INSYN2B: variants seen among roughly 807,000 people sequenced by gnomAD.
The protein encoded by INSYN2B is inhibitory synaptic factor family member 2B, also known as protein INSYN2B.
Under a neutral mutation model 41.2 loss-of-function variants are expected in INSYN2B, and 16 were observed. That is an observed-to-expected ratio of 0.39 (90% confidence interval 0.26 to 0.59). The LOEUF is 0.59. INSYN2B is among the 20% of genes least tolerant of loss of function. The pLI is 0.57. For missense variants in INSYN2B, 608 were observed against 646.4 expected, an observed-to-expected ratio of 0.94 and a Z score of 0.64; for synonymous variants, 245 against 244.4, an observed-to-expected ratio of 1.00 and a Z score of -0.02.
chr5:169,889,197 A>T (rs1773146683), intron 1 of INSYN2B, among the ~76,000 whole-genome samples: 1 of 152,242 alleles, frequency 6.6e-6, no homozygotes, highest in East Asian at 1.9e-4. Context: ...AGTTGCATGG[A>T]ATAAATATTT....
At chr5:169,948,793 ACACC>A (rs1776546335) in intron 1 of INSYN2B, among the ~76,000 whole-genome samples, 1 of 150,944 alleles carries the variant, frequency 6.6e-6, no homozygotes, top group African/African-American at 2.4e-5. Context: ...CTACTTTCTG[ACACC>A]CACTCAGGGC....
At chr5:169,957,615 G>A (rs1337703287) in intron 1 of INSYN2B, among the ~76,000 whole-genome samples, 1 of 152,170 alleles carries the variant, frequency 6.6e-6, no homozygotes, top group Non-Finnish European at 1.5e-5. Flanking sequence ...ATCACAGAAA[G>A]ACTCATTCCT....
intron 1 of INSYN2B, among the ~76,000 whole-genome samples, chr5:169,913,179 T>C (rs1228992022): frequency 6.6e-6 from 1 of 152,236 alleles, no homozygotes; most frequent in Non-Finnish European, 1.5e-5. Flanking sequence ...TCATTAGTGT[T>C]CTAGCGGAGT....
chr5:169,925,439 G>A (rs1466310538), intron 1 of INSYN2B, among the ~76,000 whole-genome samples: 1 of 152,054 alleles, frequency 6.6e-6, no homozygotes, highest in African/African-American at 2.4e-5. Context: ...AATTAACTGA[G>A]CGTGGTGTTG....
At chr5:169,891,789 C>A (rs1454358840) in intron 1 of INSYN2B, among the ~76,000 whole-genome samples, 2 of 152,004 alleles carry the variant, frequency 1.3e-5, no homozygotes, top group Non-Finnish European at 2.9e-5. Flanking sequence ...TCAAGACCAG[C>A]TTGGACCAGC....
intron 1 of INSYN2B, among the ~76,000 whole-genome samples, chr5:169,902,960 T>C (rs1406602556): frequency 6.6e-6 from 1 of 151,934 alleles, no homozygotes; most frequent in Non-Finnish European, 1.5e-5. Context: ...TAGCTGGGTG[T>C]GGTGGCACAT....
At chr5:169,872,895 G>T (rs945681406) in intron 3 of INSYN2B, among the ~76,000 whole-genome samples, 1 of 152,202 alleles carries the variant, frequency 6.6e-6, no homozygotes, top group Non-Finnish European at 1.5e-5. Context: ...TTTTAGGATG[G>T]TTAGGAGTCT....
rs763264176 is a variant in INSYN2B at position 169,882,516 on chromosome 5, C to A, written c.1346+37G>T. ...GCCCCTGTGTTGGCAAATGACTTCA[C>A]CCAGTCATTTTTAATATGAAAAAAA... On this transcript the variant is annotated intron_variant, in intron 2 of 3. Coordinates refer to ENST00000377365, the MANE Select transcript of INSYN2B (RefSeq NM_001129891.3). The A allele has an allele frequency of 4.7e-6, 7 of 1,493,636 alleles. No homozygotes were observed. The South Asian group carries it at 7.8e-5, about 17-fold the overall frequency. The allele number at this position is 1,493,636 out of a possible 1,614,324, so 92.5% of individuals were successfully genotyped here. A position where few individuals can be genotyped will look rare whatever the true frequency, so the allele number is the denominator to read the frequency against.
In INSYN2B at chr5:169,959,499, A is replaced by G. The variant is rs184511257; in HGVS notation, c.-919+20778T>C. 4.6e-5 allele frequency among the ~76,000 whole-genome samples: 7 copies of G among 152,358 alleles called. No individual in the cohort carries two copies. The East Asian group carries it at 1.3e-3, about 29-fold the overall frequency. ...AGAAGTTTATGGTTCAACATAAGGA[A>G]GAACTTTCTAACAATTCTAATAGTC... On this transcript the variant is annotated intron_variant, in intron 1 of 3. Coordinates refer to ENST00000377365, the MANE Select transcript of INSYN2B (RefSeq NM_001129891.3).
intron 1 of INSYN2B, among the ~76,000 whole-genome samples, chr5:169,937,546 C>T (rs997526048): frequency 6.6e-6 from 1 of 152,196 alleles, no homozygotes; most frequent in African/African-American, 2.4e-5. Context: ...ATAATAGGAA[C>T]ATATATTGAG....
At chr5:169,919,737 G>A (rs1019779754) in intron 1 of INSYN2B, among the ~76,000 whole-genome samples, 11 of 152,086 alleles carry the variant, frequency 7.2e-5, no homozygotes, top group African/African-American at 2.7e-4. Context: ...CTGAGTCCCC[G>A]CGAAACCTGC....
intron 1 of INSYN2B, among the ~76,000 whole-genome samples, chr5:169,967,158 G>A (rs1777331448): frequency 6.6e-6 from 1 of 152,192 alleles, no homozygotes; most frequent in Non-Finnish European, 1.5e-5. Flanking sequence ...AGATAAAGTG[G>A]GTTCCTGAAA....
intron 1 of INSYN2B, among the ~76,000 whole-genome samples, chr5:169,923,107 T>C (rs73325995): frequency 9.5e-4 from 144 of 152,318 alleles, no homozygotes; most frequent in African/African-American, 3.2e-3. Context: ...GGATTGTGCC[T>C]AGGCTCTCAG....
At chr5:169,946,719 T>C (rs1400935376) in intron 1 of INSYN2B, among the ~76,000 whole-genome samples, 1 of 152,098 alleles carries the variant, frequency 6.6e-6, no homozygotes, top group East Asian at 1.9e-4. Flanking sequence ...ACAAACCTAA[T>C]AGAAAAATAA....
chr5:169,869,788 C>A (rs999190188), intron 3 of INSYN2B, among the ~76,000 whole-genome samples: 2 of 152,200 alleles, frequency 1.3e-5, no homozygotes, highest in Admixed American at 6.5e-5. Flanking sequence ...GCCCAAGGAT[C>A]CAAATAGCAC....
chr5:169,873,738 T>C (rs1337321082), intron 3 of INSYN2B, among the ~76,000 whole-genome samples: 1 of 152,174 alleles, frequency 6.6e-6, no homozygotes, highest in East Asian at 1.9e-4. Context: ...GGTTAGGTAA[T>C]AGCTTTGAGT....
intron 1 of INSYN2B, among the ~76,000 whole-genome samples, chr5:169,893,673 C>T (rs892216633): frequency 6.6e-6 from 1 of 152,068 alleles, no homozygotes; most frequent in Non-Finnish European, 1.5e-5. Context: ...ATGTTTCACC[C>T]CTCTTCTCCA....
intron 1 of INSYN2B, among the ~76,000 whole-genome samples, chr5:169,888,848 C>T (rs60011593): frequency 0.035 from 5,306 of 152,256 alleles, 182 homozygotes; most frequent in African/African-American, 0.089. Flanking sequence ...TTGTCTTTGT[C>T]CCTCCTCTTT....
In INSYN2B at chr5:169,884,447, A is replaced by C. The variant is rs1350347751; in HGVS notation, c.-549T>G. 1 of 152,322 alleles carries C rather than the reference A, an allele frequency of 6.6e-6. No homozygotes were observed. The highest frequency in any genetic ancestry group is 1.9e-4 in the East Asian group (1 of 5,180). The allele number at this position is 152,322 out of a possible 1,614,324, so 9.4% of individuals were successfully genotyped here. ...CCATAGCAGGTAAACAGGTGGAGAA[A>C]TAAATGACCTGGAGGTTTGCTTGTT... On this transcript the variant is annotated 5_prime_UTR_variant, in exon 2 of 4. It introduces an in-frame stop codon into an upstream open reading frame of the 5' UTR. Transcript: ENST00000377365.
Sources: allele counts gnomAD v4.1 joint callset (sites outside exome capture counted in the v4.1 genomes callset), GRCh38; gene constraint gnomAD v4.1.1; transcripts MANE v1.5; gene names NCBI Gene and HGNC (gene_info 2026-07-23, HGNC 2026-07-21).